Variants in KSR2 observed in about 807,000 individuals in gnomAD.
KSR2 encodes kinase suppressor of ras 2.
KSR2 carries 25 observed loss-of-function variants against 107.8 expected under a neutral mutation model. That is an observed-to-expected ratio of 0.23 (90% confidence interval 0.17 to 0.32). The LOEUF (loss-of-function observed/expected upper bound fraction) is 0.32. Among genes scored for constraint, KSR2 ranks in the 10% least tolerant of loss-of-function variants. The pLI is 1.00. For synonymous variants in KSR2, 480 were observed against 507.0 expected, an observed-to-expected ratio of 0.95 and a Z score of 0.71; for missense variants, 887 against 1,268.9, an observed-to-expected ratio of 0.70 and a Z score of 4.57.
intron 10 of KSR2, 40 bp downstream of exon 10, chr12:117,539,679 C>T: frequency 1.3e-6 from 2 of 1,550,626 alleles, no homozygotes; most frequent in Non-Finnish European, 1.7e-6. Flanking sequence ...TCTGCCCCTC[C>T]AACGCTGCAC....
In KSR2 at chr12:117,689,191, A is replaced by G. The variant is rs370791663; in HGVS notation, c.987-21533T>C. 5.3e-5 allele frequency among the ~76,000 whole-genome samples: 8 copies of G among 152,294 alleles called. No individual in the cohort carries two copies. The South Asian group carries it at 1.2e-3, about 24-fold the overall frequency. ...CTTTGTAGAAATACGATCATACTAT[A>G]TGTGCTGTTTGGCAGTTTGTTGTCT... On this transcript the variant is annotated intron_variant, in intron 4 of 19. Transcript: ENST00000339824.
chr12:117,634,609 G>A (rs1173189448), intron 5 of KSR2, among the ~76,000 whole-genome samples: 4 of 152,120 alleles, frequency 2.6e-5, no homozygotes, highest in Non-Finnish European at 5.9e-5. Flanking sequence ...CCTCTCGGGT[G>A]ACACTCGCAT....
In KSR2 at chr12:117,658,985, C is replaced by T. The variant is rs189153763; in HGVS notation, c.1171+8489G>A. On this transcript the variant is annotated intron_variant, in intron 5 of 19. Coordinates refer to ENST00000339824, the MANE Select transcript of KSR2 (RefSeq NM_173598.6). Reference sequence around the variant, plus strand: ...TCCACAGAATGGGGATGCAGGGGCACTGATAAGGAATACGAATGCCTTGTG... The same window carrying T: ...TCCACAGAATGGGGATGCAGGGGCATTGATAAGGAATACGAATGCCTTGTG... 2.0e-3 allele frequency among the ~76,000 whole-genome samples: 312 copies of T among 152,240 alleles called. 2 individuals are homozygous for T. The highest frequency in any genetic ancestry group is 7.1e-3 in the African/African-American group (297 of 41,552).
chr12:117,710,759 A>G (rs530627398), intron 4 of KSR2, among the ~76,000 whole-genome samples: 1 of 152,282 alleles, frequency 6.6e-6, no homozygotes, highest in African/African-American at 2.4e-5. Flanking sequence ...GGTCAGTACT[A>G]TCATGATGGT....
intron 4 of KSR2, among the ~76,000 whole-genome samples, chr12:117,757,710 A>AGAT (rs1390268230): frequency 6.6e-6 from 1 of 152,252 alleles, no homozygotes; most frequent in Non-Finnish European, 1.5e-5. Flanking sequence ...CTGAAGGCTC[A>AGAT]GATGATCATT....
At chr12:117,793,277 C>A (rs1890352822) in intron 3 of KSR2, among the ~76,000 whole-genome samples, 1 of 101,276 alleles carries the variant, frequency 9.9e-6, no homozygotes, top group Non-Finnish European at 1.8e-5. Context: ...TGCACACACG[C>A]CAACATGCAA....
chr12:117,519,429 T>C (rs1302581403), intron 14 of KSR2, among the ~76,000 whole-genome samples: 1 of 152,212 alleles, frequency 6.6e-6, no homozygotes, highest in Non-Finnish European at 1.5e-5. Context: ...GAGGTTCTGA[T>C]TCAGCGGGGG....
intron 4 of KSR2, among the ~76,000 whole-genome samples, chr12:117,726,615 C>T (rs894120249): frequency 5.9e-5 from 9 of 152,174 alleles, no homozygotes; most frequent in African/African-American, 2.2e-4. Flanking sequence ...TCAGACATTG[C>T]CAAATGTTGT....
chr12:117,624,752 A>C (rs1275937773), intron 5 of KSR2, among the ~76,000 whole-genome samples: 2 of 152,214 alleles, frequency 1.3e-5, no homozygotes, highest in African/African-American at 4.8e-5. Flanking sequence ...TCTGTGAAGA[A>C]AGTCATTGGT....
intron 3 of KSR2, among the ~76,000 whole-genome samples, chr12:117,765,559 G>A (rs1889194973): frequency 6.6e-6 from 1 of 152,092 alleles, no homozygotes; most frequent in Non-Finnish European, 1.5e-5. Flanking sequence ...TACGTACCAG[G>A]CACTGTTGTG....
intron 14 of KSR2, among the ~76,000 whole-genome samples, chr12:117,488,326 T>G (rs1872578833): frequency 6.6e-6 from 1 of 152,192 alleles, no homozygotes; most frequent in South Asian, 2.1e-4. Context: ...CAGATATGAA[T>G]TCTCATATTC....
At position 117,916,550 on chromosome 12, in the gene KSR2, G is replaced by C. The variant is rs546104401; in HGVS notation, c.180+51526C>G. Reference sequence around the variant, plus strand: ...GCAATACTGCCTGGTAATTTCAGTGGTTATAATTTATGATTCTTTTGGTGC... The same window carrying C: ...GCAATACTGCCTGGTAATTTCAGTGCTTATAATTTATGATTCTTTTGGTGC... On this transcript the variant is annotated intron_variant, in intron 1 of 19. Coordinates refer to ENST00000339824, the MANE Select transcript of KSR2 (RefSeq NM_173598.6). Among the ~76,000 whole-genome samples the C allele has an allele frequency of 5.3e-5, 8 of 152,292 alleles. No individual in the cohort carries two copies. The South Asian group carries it at 1.7e-3, about 32-fold the overall frequency.
chr12:117,499,069 C>T (rs1158987196), intron 14 of KSR2, among the ~76,000 whole-genome samples: 2 of 152,218 alleles, frequency 1.3e-5, no homozygotes, highest in Non-Finnish European at 2.9e-5. Context: ...CAAGGTACCA[C>T]AGGGGCAAAA....
chr12:117,831,344 C>T (rs778794729), intron 3 of KSR2, among the ~76,000 whole-genome samples: 2 of 152,202 alleles, frequency 1.3e-5, no homozygotes, highest in African/African-American at 2.4e-5. Flanking sequence ...TCCAACCTGG[C>T]CCACCTTGCA....
At chr12:117,783,042 G>T (rs899248957) in intron 3 of KSR2, among the ~76,000 whole-genome samples, 11 of 152,112 alleles carry the variant, frequency 7.2e-5, no homozygotes, top group African/African-American at 2.4e-4. Context: ...TATTTACTGA[G>T]CCCTACCCTA....
intron 4 of KSR2, among the ~76,000 whole-genome samples, chr12:117,725,483 T>C (rs931297246): frequency 1.3e-5 from 2 of 152,226 alleles, no homozygotes; most frequent in African/African-American, 4.8e-5. Flanking sequence ...GATATTCTTA[T>C]GGAAAATAAG....
intron 14 of KSR2, among the ~76,000 whole-genome samples, chr12:117,519,028 G>C (rs532053105): frequency 3.9e-4 from 60 of 152,338 alleles, no homozygotes; most frequent in Non-Finnish European, 5.0e-4. Context: ...CTTCTGGAAT[G>C]CAAAGTCCAC....
intron 3 of KSR2, among the ~76,000 whole-genome samples, chr12:117,771,587 G>A (rs1431805808): frequency 6.6e-6 from 1 of 152,098 alleles, no homozygotes; most frequent in Non-Finnish European, 1.5e-5. Flanking sequence ...TACTGTGCTT[G>A]GGATGGGGCT....
chr12:117,793,165 C>A (rs1394570444), intron 3 of KSR2, among the ~76,000 whole-genome samples: 1 of 140,312 alleles, frequency 7.1e-6, no homozygotes, highest in African/African-American at 2.8e-5. Flanking sequence ...TGCACGCACA[C>A]CAACATGTAC....
Sources: gnomAD v4.1 joint callset for allele counts (sites outside exome capture counted in the v4.1 genomes callset) on GRCh38, gnomAD v4.1.1 for gene constraint, MANE v1.5 for transcripts, NCBI Gene and HGNC (gene_info 2026-07-23, HGNC 2026-07-21) for gene names.